The following ITGAV variants were observed in gnomAD, a reference collection of about 807,000 sequenced individuals.
ITGAV encodes integrin alpha-V.
Under a neutral mutation model 143.8 loss-of-function variants are expected in ITGAV, and 76 were observed. The observed-to-expected ratio is 0.53, with a 90% confidence interval of 0.44 to 0.64. The LOEUF (loss-of-function observed/expected upper bound fraction) is 0.64, where lower values mean the gene tolerates loss of function less well. Among genes scored for constraint, ITGAV ranks in the 30% least tolerant of loss-of-function variants. ITGAV has a pLI of 0.00. For missense variants in ITGAV, 1,193 were observed against 1,274.7 expected, an observed-to-expected ratio of 0.94 and a Z score of 0.98; for synonymous variants, 453 against 446.7, an observed-to-expected ratio of 1.01 and a Z score of -0.18.
chr2:186,603,457 G>GT (rs146157585), intron 2 of ITGAV, among the ~76,000 whole-genome samples: 131 of 148,520 alleles, frequency 8.8e-4, no homozygotes, highest in African/African-American at 2.7e-3. Flanking sequence ...TGTTTTCAGG[G>GT]TTTTTTTTTT....
intron 1 of ITGAV, among the ~76,000 whole-genome samples, chr2:186,590,787 C>G (rs1400768136): frequency 6.6e-6 from 1 of 152,216 alleles, no homozygotes; most frequent in Non-Finnish European, 1.5e-5. Context: ...CAGACCTGTG[C>G]TTAAAAATCG....
chr2:186,679,020 G>A lies in ITGAV; in HGVS notation c.*1728G>A, dbSNP rs1465330246. On this transcript the variant is annotated 3_prime_UTR_variant, in exon 30 of 30. Coordinates refer to ENST00000261023, the MANE Select transcript of ITGAV (RefSeq NM_002210.5). The stretch of plus-strand genomic sequence containing the variant: ...GCTTTAGTGAATTTCAAAAGTAATG[G>A]GTCTTGGAGTATAGATTTTTATTAG... 1.7e-5 allele frequency: 3 copies of A among 177,008 alleles called. No homozygotes were observed. Among genetic ancestry groups the A allele is most frequent in the Non-Finnish European group, 3.6e-5 (3 of 83,562 alleles). 11.0% of individuals were successfully genotyped at this position (177,008 alleles called of 1,614,324 possible).
chr2:186,641,745 G>A (rs144841113), intron 12 of ITGAV, 157 bp downstream of exon 12: 24 of 602,808 alleles, frequency 4.0e-5, no homozygotes, highest in African/African-American at 3.3e-4. Context: ...AAGACAGTTT[G>A]CTATTTTTCT....
intron 2 of ITGAV, among the ~76,000 whole-genome samples, chr2:186,602,777 T>C (rs1686948218): frequency 6.6e-6 from 1 of 151,500 alleles, no homozygotes; most frequent in Non-Finnish European, 1.5e-5. Context: ...CTTAGGAGGC[T>C]GAGGCAGGAG....
rs777559283 is a variant in ITGAV at position 186,638,449 on chromosome 2, A to G, written c.887A>G (p.Asn296Ser). ...GGGAAGAACATGTCCTCCTTATACA[A>G]TTTTACTGGCGAGCAGGTATGCTTC... The part of the protein sequence containing the change: ...YDGKNMSSLY[N>S]FTGEQMAAYF... Residue 296 changes from asparagine (N) to serine (S), a missense_variant, in exon 10 of 30, where the codon AAT (asparagine) becomes AGT (serine). Physicochemically the swap from Asn to Ser is conservative, Grantham distance 46. Coordinates refer to ENST00000261023, the MANE Select transcript of ITGAV (RefSeq NM_002210.5). 5.6e-6 allele frequency: 9 copies of G among 1,611,038 alleles called. No homozygotes were observed. Among genetic ancestry groups the G allele is most frequent in the African/African-American group, 4.0e-5 (3 of 74,824 alleles).
In ITGAV at chr2:186,668,203, TATATATATA is replaced by T. The variant is rs1469762735; in HGVS notation, c.2433+428_2433+436del. ...ATACATACATATATATATATATATA[TATATATATA>T]TATATTTTTTTTTTTTTTTTTTTTT... is the stretch of plus-strand genomic sequence containing the variant. On this transcript the variant is annotated intron_variant, in intron 24 of 29. Coordinates refer to ENST00000261023, the MANE Select transcript of ITGAV (RefSeq NM_002210.5). 1.9e-3 allele frequency among the ~76,000 whole-genome samples: 37 copies of T among 19,854 alleles called. 1 individual carries two copies. Among genetic ancestry groups the T allele is most frequent in the Admixed American group, 2.8e-3 (5 of 1,796 alleles). The allele number at this position is 19,854 out of a possible 152,430, so 13.0% of individuals were successfully genotyped here.
At chr2:186,665,890 A>G (rs1688884831) in intron 21 of ITGAV, among the ~76,000 whole-genome samples, 1 of 152,202 alleles carries the variant, frequency 6.6e-6, no homozygotes, top group Admixed American at 6.5e-5. Context: ...TTTCTATTAC[A>G]AGTCATTAGT....
chr2:186,616,278 T>A (rs1251299734), intron 2 of ITGAV, among the ~76,000 whole-genome samples: 4 of 140,234 alleles, frequency 2.9e-5, no homozygotes, highest in Non-Finnish European at 4.6e-5. Context: ...ACCTTATTTT[T>A]TTTTTTTTTT....
rs538721955 is a variant in ITGAV, at chr2:186,650,270, G to A, written c.1397+385G>A. On this transcript the variant is annotated intron_variant, in intron 14 of 29. Coordinates refer to ENST00000261023, the MANE Select transcript of ITGAV (RefSeq NM_002210.5). ...AGTTTCAGTGCAGTGGGACCATCTC[G>A]GCTCCCTGAAACCTCTGCCCCCTGG... is the stretch of plus-strand genomic sequence containing the variant. Among the ~76,000 whole-genome samples, 9 of 152,110 alleles carry A rather than the reference G, an allele frequency of 5.9e-5. No individual in the cohort carries two copies. The South Asian group carries it at 6.2e-4, about 11-fold the overall frequency.
chr2:186,615,053 T>C (rs1239934138), intron 2 of ITGAV, among the ~76,000 whole-genome samples: 2 of 152,142 alleles, frequency 1.3e-5, no homozygotes, highest in Non-Finnish European at 2.9e-5. Context: ...TAATTTACTT[T>C]CTGTGTCTAC....
chr2:186,641,105 A>T (rs961291932), intron 11 of ITGAV, 138 bp downstream of exon 11: 2 of 743,142 alleles, frequency 2.7e-6, no homozygotes, highest in East Asian at 5.4e-5. Context: ...ATTTGAAGCA[A>T]CCTTAATCAT....
At position 186,590,507 on chromosome 2, in the gene ITGAV, G is replaced by T; in HGVS notation, c.169G>T (p.Val57Leu). The T allele has an allele frequency of 6.2e-7, 1 of 1,610,504 alleles. No individual in the cohort carries two copies. The highest frequency in any genetic ancestry group is 8.5e-7 in the Non-Finnish European group (1 of 1,178,808). The stretch of plus-strand genomic sequence containing the variant: ...CTTCGGCTTCGCCGTGGATTTCTTC[G>T]TGCCCAGCGCGTCTTCGTAAGTGGC... ...SYFGFAVDFF[V>L]PSASSRMFLL... The change falls in exon 1 of 30, where the codon GTG becomes TTG. Residue 57 changes from valine to leucine, a missense_variant. By Grantham distance (32) the Val-to-Leu change is conservative (BLOSUM62 1). Coordinates refer to ENST00000261023, the MANE Select transcript of ITGAV (RefSeq NM_002210.5).
Position 186,677,307 on chromosome 2 carries a change from T to C in ITGAV, c.*15T>C. On this transcript the variant is annotated 3_prime_UTR_variant, in exon 30 of 30. Transcript: ENST00000261023. Reference sequence around the variant, plus strand: ...CAGAAACTTAACTGCAGTTTTTAAGTTATGCTACATCTTGACCCACTAGAA... The same window carrying C: ...CAGAAACTTAACTGCAGTTTTTAAGCTATGCTACATCTTGACCCACTAGAA... 5 of 1,575,968 alleles carry C rather than the reference T, an allele frequency of 3.2e-6. No individual in the cohort carries two copies. The highest frequency in any genetic ancestry group is 4.4e-6 in the Non-Finnish European group (5 of 1,146,848).
chr2:186,653,807 T>C lies in ITGAV; in HGVS notation c.1506-843T>C, dbSNP rs534861857. ...TGAGTATGGCACATAGAAATACATTTTGCATTATAAACACATAAAAGTAAT... is the reference window on the plus strand; with the variant it reads ...TGAGTATGGCACATAGAAATACATTCTGCATTATAAACACATAAAAGTAAT... On this transcript the variant is annotated intron_variant, in intron 15 of 29. Coordinates refer to ENST00000261023, the MANE Select transcript of ITGAV (RefSeq NM_002210.5). 3.9e-5 allele frequency among the ~76,000 whole-genome samples: 6 copies of C among 152,310 alleles called. No individual in the cohort carries two copies. The South Asian group carries it at 1.2e-3, about 32-fold the overall frequency.
Position 186,625,370 on chromosome 2 carries a change from T to C in ITGAV, c.409-103T>C, listed in dbSNP as rs183422364. 12 of 697,852 alleles carry C rather than the reference T, an allele frequency of 1.7e-5. No homozygotes were observed. In the Admixed American group the frequency reaches 2.9e-4, roughly 17 times the overall value. The allele number at this position is 697,852 out of a possible 1,614,324, so 43.2% of individuals were successfully genotyped here. ...CTGGGCAACAGACTGAGACCCCATC[T>C]CAAAAAAGAGAAAGTGGTATTATAT... is the stretch of plus-strand genomic sequence containing the variant. On this transcript the variant is annotated intron_variant, in intron 3 of 29. Transcript: ENST00000261023.
intron 18 of ITGAV, among the ~76,000 whole-genome samples, chr2:186,663,078 T>C (rs916888086): frequency 2.0e-5 from 3 of 152,182 alleles, no homozygotes; most frequent in African/African-American, 7.2e-5. Context: ...CTTTTGGGTG[T>C]TTCCATTTTG....
In ITGAV at chr2:186,667,157, C is replaced by G; in HGVS notation, c.2254C>G (p.Leu752Val). 1 of 1,601,270 alleles carries G rather than the reference C, an allele frequency of 6.2e-7. No individual in the cohort carries two copies. Among genetic ancestry groups the G allele is most frequent in the South Asian group, 1.1e-5 (1 of 88,740 alleles). ...TTTTTTTTTCTTTTTCAGCTCAAATCTATTTGACAAAGTAAGCCCAGTTGT... is the reference window on the plus strand; with the variant it reads ...TTTTTTTTTCTTTTTCAGCTCAAATGTATTTGACAAAGTAAGCCCAGTTGT... ...KFDLQIQSSN[L>V]FDKVSPVVSH... is the part of the protein sequence containing the mutation. The change falls in exon 23 of 30, where the codon CTA becomes GTA. Residue 752 changes from leucine (L) to valine (V), a missense_variant. Physicochemically the swap from Leu to Val is conservative, Grantham distance 32. Coordinates refer to ENST00000261023, the MANE Select transcript of ITGAV (RefSeq NM_002210.5).
At chr2:186,661,944 T>A (rs1182097742) in intron 18 of ITGAV, among the ~76,000 whole-genome samples, 1 of 152,104 alleles carries the variant, frequency 6.6e-6, no homozygotes, top group East Asian at 1.9e-4. Context: ...TATATATAAC[T>A]GTAGAGACTT....
At chr2:186,619,844 T>C (rs1687473818) in intron 2 of ITGAV, among the ~76,000 whole-genome samples, 1 of 151,922 alleles carries the variant, frequency 6.6e-6, no homozygotes, top group South Asian at 2.1e-4. Flanking sequence ...TACAAAAAAT[T>C]AGCTGGGCGT....
Sources: allele counts gnomAD v4.1 joint callset (sites outside exome capture counted in the v4.1 genomes callset), GRCh38; gene constraint gnomAD v4.1.1; transcripts MANE v1.5; gene names NCBI Gene and HGNC (gene_info 2026-07-23, HGNC 2026-07-21).